Variants in FAIM2 observed in about 807,000 individuals in gnomAD.
FAIM2 encodes the protein Fas apoptotic inhibitory molecule 2.
In FAIM2, 27 loss-of-function variants were observed where a neutral mutation model predicts 47.4. That is an observed-to-expected ratio of 0.57 (90% CI 0.42 to 0.78). The LOEUF (loss-of-function observed/expected upper bound fraction) is 0.78. FAIM2 is among the 30% of genes least tolerant of loss of function. The probability of loss-of-function intolerance (pLI) is 0.00; values close to 1 mark genes in which losing one functional copy is unlikely to be tolerated. For synonymous variants in FAIM2, 156 were observed against 159.3 expected (o/e 0.98, Z 0.16); for missense variants, 311 against 389.4 (o/e 0.80, Z 1.69).
At chr12:49,896,822 C>A (rs1946940887) in intron 5 of FAIM2, among the ~76,000 whole-genome samples, 1 of 152,176 alleles carries the variant, frequency 6.6e-6, no homozygotes, top group South Asian at 2.1e-4. Context: ...CTCCTTTGTG[C>A]CCCATCAGAT....
At chr12:49,882,957 C>G (rs780231228) in intron 11 of FAIM2, among the ~76,000 whole-genome samples, 1 of 152,100 alleles carries the variant, frequency 6.6e-6, no homozygotes, top group Non-Finnish European at 1.5e-5. Flanking sequence ...AGATGCGCTA[C>G]AGAGAGAGGG....
At position 49,878,162 on chromosome 12, in the gene FAIM2, ATGTG is replaced by A. The variant is rs1386131230; in HGVS notation, c.802-7513_802-7510del. ...TGCATGTGAGTGTGTGTATGAGTGT[ATGTG>A]TGTATGTGCATGTGTATATGTGTGT... On this transcript the variant is annotated intron_variant, in intron 11 of 11. Transcript: ENST00000320634. 8.0e-5 allele frequency among the ~76,000 whole-genome samples: 7 copies of A among 87,050 alleles called. 1 individual carries two copies. The highest frequency in any genetic ancestry group is 1.1e-4 in the Non-Finnish European group (5 of 46,920). 57.1% of individuals were successfully genotyped at this position (87,050 alleles called of 152,430 possible).
intron 11 of FAIM2, among the ~76,000 whole-genome samples, chr12:49,881,558 A>T (rs1297734043): frequency 6.6e-6 from 1 of 151,828 alleles, no homozygotes; most frequent in African/African-American, 2.4e-5. Context: ...AGCTGCAGGC[A>T]TGTGCCCCCA....
Position 49,891,065 on chromosome 12 carries a change from T to A in FAIM2, c.484A>T (p.Arg162Trp). 1 of 1,614,066 alleles carries A rather than the reference T, an allele frequency of 6.2e-7. No individual in the cohort carries two copies. Among genetic ancestry groups the A allele is most frequent in the Non-Finnish European group, 8.5e-7 (1 of 1,179,924 alleles). Residue 162 changes from arginine to tryptophan, a missense_variant and splice_region_variant, in exon 6 of 12, where the codon AGG becomes TGG. Transcript: ENST00000320634. ...YLTLACCSGP[R>W]RHFPWNLILL... is the part of the protein sequence containing the mutation. ...TTCCTCCTCAAGCCATTAGCATACC[T>A]GGGTCCAGAACAGCAAGCCAGGGTC...
intron 11 of FAIM2, among the ~76,000 whole-genome samples, chr12:49,886,033 G>A (rs1033265125): frequency 6.6e-6 from 1 of 151,840 alleles, no homozygotes; most frequent in South Asian, 2.1e-4. Context: ...TCAGCCTGTC[G>A]CCCACAAGCC....
chr12:49,890,274 ACC>A (rs1946891252), intron 7 of FAIM2, 120 bp from the exon 8 acceptor site: 1 of 830,944 alleles, frequency 1.2e-6, no homozygotes, highest in Non-Finnish European at 2.0e-6. Context: ...TGTCTATGTC[ACC>A]CCCACACACA....
At chr12:49,896,491 C>A (rs1333604450) in intron 5 of FAIM2, among the ~76,000 whole-genome samples, 1 of 152,160 alleles carries the variant, frequency 6.6e-6, no homozygotes, top group African/African-American at 2.4e-5. Flanking sequence ...AGCTGTGTGA[C>A]CTTGGGCAAA....
rs544596257 is a variant in FAIM2 at position 49,889,043 on chromosome 12, G to A, written c.747+64C>T. 2.2e-4 allele frequency: 263 copies of A among 1,208,560 alleles called. 3 individuals carry two copies. In the South Asian group the frequency reaches 2.4e-3, roughly 11 times the overall value. 74.9% of individuals were successfully genotyped at this position (1,208,560 alleles called of 1,614,324 possible). On this transcript the variant is annotated intron_variant, in intron 10 of 11. Coordinates refer to ENST00000320634, the MANE Select transcript of FAIM2 (RefSeq NM_012306.4). Reference sequence around the variant, plus strand: ...TTCCCTGGCGGATAGGGGAGGGAACGGCACCTTGGGCCAGTGGGGCCCCTC... The same window carrying A: ...TTCCCTGGCGGATAGGGGAGGGAACAGCACCTTGGGCCAGTGGGGCCCCTC...
Position 49,890,712 on chromosome 12 carries a change from G to C in FAIM2, c.496C>G (p.Pro166Ala). ...ACGGTCAGGAGAATCAGGTTCCAGG[G>C]GAAATGCCTCCTGCAAGGCAAGCCA... Reference protein sequence around the residue: ...ACCSGPRRHFPWNLILLTVFT... With the variant: ...ACCSGPRRHFAWNLILLTVFT... The change falls in exon 7 of 12, where the codon CCC (proline) becomes GCC (alanine). Residue 166 changes from proline to alanine, a missense_variant. Coordinates refer to ENST00000320634, the MANE Select transcript of FAIM2 (RefSeq NM_012306.4). The C allele has an allele frequency of 6.2e-7, 1 of 1,614,088 alleles. No individual in the cohort carries two copies. The highest frequency in any genetic ancestry group is 1.3e-5 in the African/African-American group (1 of 75,006).
At chr12:49,880,514 A>ATGAGTG (rs1488896215) in intron 11 of FAIM2, among the ~76,000 whole-genome samples, 36 of 90,184 alleles carry the variant, frequency 4.0e-4, no homozygotes, top group Admixed American at 1.9e-3. Context: ...ATGAGTGTGT[A>ATGAGTG]TGTGCATGTG....
intron 11 of FAIM2, among the ~76,000 whole-genome samples, chr12:49,884,086 TG>T (rs1322421471): frequency 6.6e-6 from 1 of 151,988 alleles, no homozygotes; most frequent in Admixed American, 6.6e-5. Flanking sequence ...TAGCCAGGCA[TG>T]GTGGTGCATG....
intron 10 of FAIM2, 53 bp from the exon 11 acceptor site, chr12:49,887,492 AG>A (rs1247764607): frequency 1.4e-6 from 2 of 1,477,206 alleles, no homozygotes; most frequent in South Asian, 1.2e-5. Flanking sequence ...CAGCAGTCAG[AG>A]GGGCAGGGAG....
chr12:49,879,429 T>C (rs1027730244), intron 11 of FAIM2, among the ~76,000 whole-genome samples: 2 of 142,334 alleles, frequency 1.4e-5, no homozygotes, highest in African/African-American at 5.3e-5. Context: ...TGTATGTGTG[T>C]ATGTGCATGT....
chr12:49,893,809 G>A (rs637871), intron 5 of FAIM2, among the ~76,000 whole-genome samples: 18,786 of 152,202 alleles, frequency 0.12, 1,204 homozygotes, highest in East Asian at 0.21. Flanking sequence ...CCCGATTTAG[G>A]AAACACTCGG....
chr12:49,897,235 C>T (rs1592794333), intron 4 of FAIM2, 151 bp from the exon 5 acceptor site: 3 of 728,264 alleles, frequency 4.1e-6, no homozygotes, highest in East Asian at 2.7e-5. Context: ...TCCCAGCCCA[C>T]AGTCCCCGGC....
chr12:49,901,084 A>G, intron 2 of FAIM2, 46 bp downstream of exon 2: 1 of 1,459,728 alleles, frequency 6.9e-7, no homozygotes, highest in Non-Finnish European at 9.1e-7. Context: ...CTCTGGGTCC[A>G]CCCCCACCCC....
intron 2 of FAIM2, among the ~76,000 whole-genome samples, chr12:49,898,442 G>A (rs1298817111): frequency 2.2e-5 from 3 of 134,060 alleles, no homozygotes; most frequent in Admixed American, 7.8e-5. Flanking sequence ...CTCCCTTGTG[G>A]TCAAGGATCA....
chr12:49,874,504 AG>A lies in FAIM2; in HGVS notation c.802-3852del, dbSNP rs1006878316. Among the ~76,000 whole-genome samples, 3 of 152,166 alleles carry A rather than the reference AG, an allele frequency of 2.0e-5. No homozygotes were observed. The highest frequency in any genetic ancestry group is 7.2e-5 in the African/African-American group (3 of 41,426). On this transcript the variant is annotated intron_variant, in intron 11 of 11. Coordinates refer to ENST00000320634, the MANE Select transcript of FAIM2 (RefSeq NM_012306.4). The surrounding 1 kb of genome is among the most constrained non-coding windows in gnomAD (Gnocchi z 4.2). ...ACTTCCCCGCCTCACTTTACTGGCC[AG>A]TGCTAAACCTGGCCGGGGACCCCAG... is the stretch of plus-strand genomic sequence containing the variant.
chr12:49,885,090 G>A (rs995010406), intron 11 of FAIM2, among the ~76,000 whole-genome samples: 2 of 152,354 alleles, frequency 1.3e-5, no homozygotes, highest in South Asian at 2.1e-4. Flanking sequence ...GTGGAGATGC[G>A]GGGAGGTAAC....
Sources: gnomAD v4.1 joint callset for allele counts (sites outside exome capture counted in the v4.1 genomes callset) on GRCh38, gnomAD v4.1.1 for gene constraint, Gnocchi (gnomAD v3.1) non-coding constraint, MANE v1.5 for transcripts, NCBI Gene and HGNC (gene_info 2026-07-23, HGNC 2026-07-21) for gene names.